PRRC2B: variants seen among roughly 807,000 people sequenced by gnomAD.
PRRC2B encodes the protein proline rich coiled-coil 2B.
A neutral mutation model predicts 242.3 loss-of-function variants in PRRC2B; 68 were observed. The observed-to-expected ratio is 0.28, with a 90% CI of 0.23 to 0.34. The LOEUF is 0.34. PRRC2B is among the 10% of genes least tolerant of loss of function. The probability of loss-of-function intolerance (pLI) is 1.00; values close to 1 mark genes in which losing one functional copy is unlikely to be tolerated. For synonymous variants in PRRC2B, 1,228 were observed against 1,173.6 expected (o/e 1.05, Z -0.95); for missense variants, 2,835 against 2,954.8 (o/e 0.96, Z 0.94).
upstream of PRRC2B, among the ~76,000 whole-genome samples, chr9:131,391,889 C>A (rs1310517558): frequency 2.0e-5 from 3 of 150,268 alleles, no homozygotes; most frequent in Non-Finnish European, 4.4e-5. Flanking sequence ...TACAGGACCC[C>A]ACCACCATGC....
At chr9:131,466,729 C>G (rs973980238) in intron 12 of PRRC2B, among the ~76,000 whole-genome samples, 5 of 152,094 alleles carry the variant, frequency 3.3e-5, no homozygotes, top group Non-Finnish European at 5.9e-5. Flanking sequence ...AAGCGATTCT[C>G]TCACCTCAAC....
chr9:131,474,528 G>C lies in PRRC2B; in HGVS notation c.2399G>C (p.Arg800Thr). ...GCTCAGCGCGATCTCTTTGAGGAGA[G>C]AGGGGAGGAGTACTTGAGTGCTTTT... ...VSAQRDLFEE[R>T]GEEYLSAFDK... Residue 800 changes from arginine (R) to threonine (T), a missense_variant, in exon 16 of 32, where the codon AGA (arginine) becomes ACA (threonine). Physicochemically the swap from Arg to Thr is moderately conservative, Grantham distance 71. Around this residue, in one of 7 missense-constraint regions of PRRC2B, gnomAD observed 1,536 missense variants for 1,483.1 expected, o/e 1.04. Transcript: ENST00000683519. 1 of 1,614,016 alleles carries C rather than the reference G, an allele frequency of 6.2e-7. No homozygotes were observed. Among genetic ancestry groups the C allele is most frequent in the Non-Finnish European group, 8.5e-7 (1 of 1,179,898 alleles).
chr9:131,459,007 C>T (rs998632603), intron 10 of PRRC2B, among the ~76,000 whole-genome samples, 157 bp from the exon 11 acceptor site: 5 of 152,074 alleles, frequency 3.3e-5, no homozygotes, highest in Admixed American at 1.3e-4. Context: ...GGGGCTGAAC[C>T]GTGGAATTCA....
chr9:131,451,674 A>G (rs978376493), intron 9 of PRRC2B, among the ~76,000 whole-genome samples: 1 of 151,908 alleles, frequency 6.6e-6, no homozygotes, highest in African/African-American at 2.4e-5. Context: ...TTCATGTGTC[A>G]GCATGAAGTG....
chr9:131,453,680 C>T (rs1348418717), intron 9 of PRRC2B, among the ~76,000 whole-genome samples: 1 of 152,134 alleles, frequency 6.6e-6, no homozygotes, highest in African/African-American at 2.4e-5. Flanking sequence ...TACAGGTGTG[C>T]ACCCCCATGG....
chr9:131,478,374 T>C, intron 17 of PRRC2B, 100 bp from the exon 18 acceptor site: 1 of 1,164,814 alleles, frequency 8.6e-7, no homozygotes, highest in Non-Finnish European at 1.3e-6. Context: ...TCCAGGTTTC[T>C]GTCGAGCCTG....
At position 131,464,872 on chromosome 9, in the gene PRRC2B, G is replaced by A. The variant is rs1943347214; in HGVS notation, c.1514G>A (p.Arg505Gln). The stretch of plus-strand genomic sequence containing the variant: ...TCAGAGATGTCCGAGGCGGTGGAGC[G>A]AGCCCGAAAGCGCCGGGAAGAAGAG... ...IQSEMSEAVE[R>Q]ARKRREEEER... The change falls in exon 12 of 32, where the codon CGA becomes CAA. Residue 505 changes from arginine (R) to glutamine (Q), a missense_variant. Arg to Gln is a conservative substitution (Grantham distance 43). Coordinates refer to ENST00000683519, the MANE Select transcript of PRRC2B (RefSeq NM_013318.4). The A allele has an allele frequency of 6.2e-7, 1 of 1,613,648 alleles. No homozygotes were observed. The highest frequency in any genetic ancestry group is 8.5e-7 in the Non-Finnish European group (1 of 1,179,784).
At chr9:131,489,160 C>T (rs1429142601) in intron 28 of PRRC2B, among the ~76,000 whole-genome samples, 1 of 151,746 alleles carries the variant, frequency 6.6e-6, no homozygotes, top group South Asian at 2.1e-4. Flanking sequence ...AATTCACTCC[C>T]TCTAGTGACC....
In PRRC2B at chr9:131,463,628, C is replaced by CTTTTT. The variant is rs374951504; in HGVS notation, c.1405-1121_1405-1117dup. On this transcript the variant is annotated intron_variant, in intron 11 of 31. Coordinates refer to ENST00000683519, the MANE Select transcript of PRRC2B (RefSeq NM_013318.4). ...CCAAAAGAGATTTTTTTTAGGCATG[C>CTTTTT]TTTTTTTTTTTTTTTTTTCTTAATG... Among the ~76,000 whole-genome samples, 234 of 125,758 alleles carry CTTTTT rather than the reference C, an allele frequency of 1.9e-3. 2 individuals carry two copies. Among genetic ancestry groups the CTTTTT allele is most frequent in the African/African-American group, 6.7e-3 (225 of 33,344 alleles). The allele number at this position is 125,758 out of a possible 152,430, so 82.5% of individuals were successfully genotyped here.
rs190045414 is a variant in PRRC2B, at chr9:131,446,554, G to T, written c.767G>T (p.Arg256Leu). The T allele has an allele frequency of 1.9e-6, 3 of 1,613,810 alleles. No homozygotes were observed. Among genetic ancestry groups the T allele is most frequent in the East Asian group, 4.5e-5 (2 of 44,872 alleles). The change falls in exon 7 of 32, where the codon CGC becomes CTC. Residue 256 changes from arginine (R) to leucine (L), a missense_variant. Around this residue, in one of 7 missense-constraint regions of PRRC2B, gnomAD observed 626 missense variants for 685.5 expected, o/e 0.91. Coordinates refer to ENST00000683519, the MANE Select transcript of PRRC2B (RefSeq NM_013318.4). The surrounding 1 kb of genome is among the most constrained non-coding windows in gnomAD (Gnocchi z 4.1). ...CTSDSKDPSL[R>L]PAQPVRKGAS... ...AGCGATTCTAAGGACCCCTCTCTCCGCCCGGCTCAGCCTGTCCGAAAAGGG... is the reference window on the plus strand; with the variant it reads ...AGCGATTCTAAGGACCCCTCTCTCCTCCCGGCTCAGCCTGTCCGAAAAGGG...
At chr9:131,413,829 G>A (rs1564276938) in intron 1 of PRRC2B, among the ~76,000 whole-genome samples, 8 of 151,920 alleles carry the variant, frequency 5.3e-5, no homozygotes, top group Admixed American at 2.0e-4. Flanking sequence ...ACACCACCAC[G>A]CCCAGCTAAT....
intron 1 of PRRC2B, among the ~76,000 whole-genome samples, chr9:131,397,091 C>T (rs150393753): frequency 4.5e-4 from 69 of 152,328 alleles, no homozygotes; most frequent in African/African-American, 1.6e-3. Flanking sequence ...GATTTTTCCT[C>T]GCTTCCTGCC....
intron 30 of PRRC2B, among the ~76,000 whole-genome samples, chr9:131,493,641 G>T (rs916053426): frequency 2.6e-5 from 4 of 152,278 alleles, no homozygotes; most frequent in African/African-American, 9.6e-5. Flanking sequence ...TTTTAGGGGG[G>T]TTGGGGAAAT....
chr9:131,400,316 CTTTTCTTTCTTTTTT>C (rs1837194367), intron 1 of PRRC2B, among the ~76,000 whole-genome samples: 1 of 151,354 alleles, frequency 6.6e-6, no homozygotes, highest in East Asian at 2.0e-4. Context: ...TTTTTCTTTT[CTTTTCTTTCTTTTTT>C]TTTTTGAGAT....
At position 131,446,391 on chromosome 9, in the gene PRRC2B, C is replaced by G; in HGVS notation, c.614-10C>G. ...TTCCCTCTCCCCTTTTGCCCCCTTT[C>G]AATTTCCAGATGTGACAAGCTGGAG... On this transcript the variant is annotated splice_polypyrimidine_tract_variant and intron_variant, in intron 6 of 31. Transcript: ENST00000683519. This position sits in a 1 kb window ranked among gnomAD's most constrained non-coding sequence, Gnocchi z 4.1. 1.2e-6 allele frequency: 2 copies of G among 1,613,388 alleles called. No individual in the cohort carries two copies. Among genetic ancestry groups the G allele is most frequent in the Non-Finnish European group, 1.7e-6 (2 of 1,179,674 alleles).
intron 11 of PRRC2B, among the ~76,000 whole-genome samples, chr9:131,463,184 A>G (rs1943293088): frequency 2.0e-5 from 3 of 152,220 alleles, no homozygotes. Context: ...TTCGGTTCCA[A>G]TGATATTATA....
At chr9:131,380,575 G>A (rs113258892) in intron 1 of PRRC2B, among the ~76,000 whole-genome samples, 10 of 146,070 alleles carry the variant, frequency 6.8e-5, no homozygotes, top group Admixed American at 4.2e-4. Flanking sequence ...CAAAAACTCC[G>A]CCTCAAAAAA....
chr9:131,446,292 C>A lies in PRRC2B; in HGVS notation c.614-109C>A. ...TTCACTTTTGGTGTTTTTTGTTTTT[C>A]ATTTTATTTTTTTGGTGAAGGAGGG... is the stretch of plus-strand genomic sequence containing the variant. On this transcript the variant is annotated intron_variant, in intron 6 of 31. Transcript: ENST00000683519. The surrounding 1 kb of genome is among the most constrained non-coding windows in gnomAD (Gnocchi z 4.1). The A allele has an allele frequency of 7.3e-7, 1 of 1,368,152 alleles. No homozygotes were observed. The highest frequency in any genetic ancestry group is 9.8e-7 in the Non-Finnish European group (1 of 1,016,124). The allele number at this position is 1,368,152 out of a possible 1,614,324, so 84.8% of individuals were successfully genotyped here.
chr9:131,395,309 C>T (rs1837018269), intron 1 of PRRC2B, among the ~76,000 whole-genome samples: 1 of 151,924 alleles, frequency 6.6e-6, no homozygotes, highest in Non-Finnish European at 1.5e-5. Context: ...TTTGATGTGG[C>T]TTTGTACAGT....
Sources: allele counts gnomAD v4.1 joint callset (sites outside exome capture counted in the v4.1 genomes callset), GRCh38; gene constraint gnomAD v4.1.1; regional missense constraint gnomAD v4.1.1; non-coding constraint Gnocchi (gnomAD v3.1); transcripts MANE v1.5; gene names NCBI Gene and HGNC (gene_info 2026-07-23, HGNC 2026-07-21).